The following MYO3A variants were observed in gnomAD, a reference collection of about 807,000 sequenced individuals.
The protein encoded by MYO3A is myosin-IIIa.
Under a neutral mutation model 192.7 loss-of-function variants are expected in MYO3A, and 180 were observed. That is an observed-to-expected ratio of 0.93 (90% CI 0.83 to 1.06). MYO3A has a LOEUF of 1.06. Among genes scored for constraint, MYO3A ranks in the 50% least tolerant of loss-of-function variants. The probability of loss-of-function intolerance (pLI) is 0.00; values close to 1 mark genes in which losing one functional copy is unlikely to be tolerated. For missense variants in MYO3A, 1,896 were observed against 1,905.0 expected (o/e 1.00, Z 0.09); for synonymous variants, 628 against 645.3 (o/e 0.97, Z 0.41).
At chr10:25,938,031 T>C (rs1836219411) in intron 2 of MYO3A, among the ~76,000 whole-genome samples, 1 of 152,240 alleles carries the variant, frequency 6.6e-6, no homozygotes, top group African/African-American at 2.4e-5. Flanking sequence ...CGAAACTTGT[T>C]TGGCGATTCA....
chr10:26,086,679 C>A (rs76816552), intron 14 of MYO3A, among the ~76,000 whole-genome samples: 2,061 of 152,210 alleles, frequency 0.014, 57 homozygotes, highest in African/African-American at 0.047. Context: ...TTTCTTCCCC[C>A]TTGCCCATCA....
chr10:26,118,261 A>G (rs1295033507), intron 17 of MYO3A, among the ~76,000 whole-genome samples: 1 of 152,072 alleles, frequency 6.6e-6, no homozygotes, highest in African/African-American at 2.4e-5. Flanking sequence ...GAATTTTTCC[A>G]CCTGAAAGCC....
At chr10:26,109,543 C>CAT (rs1347137898) in intron 17 of MYO3A, among the ~76,000 whole-genome samples, 3 of 152,150 alleles carry the variant, frequency 2.0e-5, no homozygotes, top group Admixed American at 2.0e-4. Flanking sequence ...ATACATAGTA[C>CAT]ATATATAGAG....
At chr10:26,116,050 C>G (rs1469161947) in intron 17 of MYO3A, among the ~76,000 whole-genome samples, 1 of 152,076 alleles carries the variant, frequency 6.6e-6, no homozygotes, top group Non-Finnish European at 1.5e-5. Context: ...TAAGAATAAA[C>G]ACACTGATTC....
chr10:25,960,599 T>C (rs997308811), intron 4 of MYO3A, among the ~76,000 whole-genome samples: 6 of 152,300 alleles, frequency 3.9e-5, no homozygotes, highest in African/African-American at 1.4e-4. Flanking sequence ...AAAGAAAATG[T>C]TATTAAGAAA....
intron 11 of MYO3A, among the ~76,000 whole-genome samples, chr10:26,068,207 T>C (rs931523332): frequency 2.5e-4 from 38 of 152,198 alleles, no homozygotes; most frequent in African/African-American, 8.7e-4. Context: ...TAAGATCTTT[T>C]GCTCCTCTCT....
chr10:26,107,445 C>A, intron 17 of MYO3A, among the ~76,000 whole-genome samples: 1 of 146,186 alleles, frequency 6.8e-6, no homozygotes, highest in Non-Finnish European at 1.5e-5. Context: ...CACACCATTG[C>A]ACTCCAGCCT....
At chr10:25,955,056 T>C (rs770436440) in intron 4 of MYO3A, 48 bp downstream of exon 4, 50 of 1,599,734 alleles carry the variant, frequency 3.1e-5, no homozygotes, top group African/African-American at 4.0e-5. Context: ...AGAGTGTGGT[T>C]CTGAAATGAC....
At chr10:26,002,170 T>C (rs1840869894) in intron 6 of MYO3A, among the ~76,000 whole-genome samples, 1 of 152,240 alleles carries the variant, frequency 6.6e-6, no homozygotes, top group African/African-American at 2.4e-5. Flanking sequence ...AATTTCTCTG[T>C]GTATCTAAGA....
At chr10:26,027,750 T>C (rs1842621138) in intron 10 of MYO3A, among the ~76,000 whole-genome samples, 1 of 152,204 alleles carries the variant, frequency 6.6e-6, no homozygotes, top group Non-Finnish European at 1.5e-5. Flanking sequence ...TAAACATTCT[T>C]CTAACACAAC....
chr10:26,119,272 T>G (rs143863717), intron 17 of MYO3A, among the ~76,000 whole-genome samples: 243 of 152,220 alleles, frequency 1.6e-3, no homozygotes, highest in African/African-American at 5.7e-3. Context: ...CTTGTAATTT[T>G]TTTTCTGAAC....
chr10:26,099,581 A>T (rs1837299524), intron 17 of MYO3A, among the ~76,000 whole-genome samples: 1 of 152,082 alleles, frequency 6.6e-6, no homozygotes, highest in African/African-American at 2.4e-5. Flanking sequence ...TTGAGATATG[A>T]ACCATCAATA....
chr10:26,156,492 A>G (rs186522192), intron 25 of MYO3A, among the ~76,000 whole-genome samples: 4 of 152,368 alleles, frequency 2.6e-5, no homozygotes, highest in Admixed American at 1.3e-4. Flanking sequence ...AGGTATTGCT[A>G]TAGAACACAG....
Position 25,996,630 on chromosome 10 carries a change from A to G in MYO3A, c.408+36A>G, listed in dbSNP as rs1406344094. ...TTAAATTGTATGTGCATTAATTATG[A>G]AGCAGTTCCAGTTAAAAAATGTAGA... is the stretch of plus-strand genomic sequence containing the variant. On this transcript the variant is annotated intron_variant, in intron 5 of 34. Coordinates refer to ENST00000642920, the MANE Select transcript of MYO3A (RefSeq NM_017433.5). 4.6e-6 allele frequency: 7 copies of G among 1,525,828 alleles called. No homozygotes were observed. The Admixed American group carries it at 5.0e-5, about 11-fold the overall frequency. 94.5% of individuals were successfully genotyped at this position (1,525,828 alleles called of 1,614,324 possible). A position where few individuals can be genotyped will look rare whatever the true frequency, so the allele number is the denominator to read the frequency against.
intron 7 of MYO3A, among the ~76,000 whole-genome samples, chr10:26,020,255 C>T (rs939076474): frequency 4.6e-5 from 7 of 152,218 alleles, no homozygotes; most frequent in South Asian, 4.2e-4. Context: ...GTCTGTTGCC[C>T]GATATGTTGT....
chr10:26,177,471 T>C (rs963417859), intron 31 of MYO3A, among the ~76,000 whole-genome samples: 5 of 152,162 alleles, frequency 3.3e-5, no homozygotes, highest in African/African-American at 1.2e-4. Context: ...CTGGCCTCCA[T>C]GAGCCCTTCA....
intron 6 of MYO3A, among the ~76,000 whole-genome samples, chr10:26,004,957 G>A (rs941899436): frequency 1.3e-5 from 2 of 152,156 alleles, no homozygotes; most frequent in Non-Finnish European, 2.9e-5. Context: ...AACCATCTAT[G>A]TAATAATTAA....
In MYO3A at chr10:26,147,688, G is replaced by C. The variant is rs985575229; in HGVS notation, c.2635+129G>C. ...TTTTCGGCTCACTAAATATTCATTT[G>C]TTAATATCCTCTGCCCCAGATCATC... On this transcript the variant is annotated intron_variant, in intron 23 of 34. Coordinates refer to ENST00000642920, the MANE Select transcript of MYO3A (RefSeq NM_017433.5). The C allele has an allele frequency of 2.2e-6, 3 of 1,345,418 alleles. No individual in the cohort carries two copies. The African/African-American group carries it at 4.4e-5, about 20-fold the overall frequency. The allele number at this position is 1,345,418 out of a possible 1,614,324, so 83.3% of individuals were successfully genotyped here. A position where few individuals can be genotyped will look rare whatever the true frequency, so the allele number is the denominator to read the frequency against.
chr10:26,151,400 C>G (rs1233867798), intron 23 of MYO3A, among the ~76,000 whole-genome samples: 1 of 151,774 alleles, frequency 6.6e-6, no homozygotes, highest in Non-Finnish European at 1.5e-5. Flanking sequence ...TGGATAGACT[C>G]CTTTGTTATG....
Sources: allele counts gnomAD v4.1 joint callset (sites outside exome capture counted in the v4.1 genomes callset), GRCh38; gene constraint gnomAD v4.1.1; transcripts MANE v1.5; gene names NCBI Gene and HGNC (gene_info 2026-07-23, HGNC 2026-07-21).